Variants in RAB3C observed in about 807,000 individuals in gnomAD.
The protein encoded by RAB3C is ras-related protein Rab-3C.
A neutral mutation model predicts 26.4 loss-of-function variants in RAB3C; 17 were observed. The observed-to-expected ratio is 0.64, with a 90% CI of 0.44 to 0.97. The LOEUF (loss-of-function observed/expected upper bound fraction) is 0.97. Among genes scored for constraint, RAB3C ranks in the 50% least tolerant of loss-of-function variants. The probability of loss-of-function intolerance (pLI) is 0.00; values close to 1 mark genes in which losing one functional copy is unlikely to be tolerated. For synonymous variants in RAB3C, 91 were observed against 95.9 expected (o/e 0.95, Z 0.30); for missense variants, 242 against 281.9 (o/e 0.86, Z 1.01).
At chr5:58,712,041 C>T (rs1024585652) in intron 2 of RAB3C, among the ~76,000 whole-genome samples, 5 of 152,118 alleles carry the variant, frequency 3.3e-5, no homozygotes, top group Non-Finnish European at 7.4e-5. Context: ...TTGTGATTTT[C>T]GTGTGGTAAC....
At chr5:58,684,240 C>T (rs553525550) in intron 2 of RAB3C, among the ~76,000 whole-genome samples, 6 of 152,250 alleles carry the variant, frequency 3.9e-5, no homozygotes, top group East Asian at 3.9e-4. Flanking sequence ...GGAGGATCTG[C>T]GTAAGTTATA....
intron 4 of RAB3C, among the ~76,000 whole-genome samples, chr5:58,826,047 G>A (rs1326212974): frequency 6.6e-6 from 1 of 152,120 alleles, no homozygotes; most frequent in Non-Finnish European, 1.5e-5. Context: ...TAAGCTGCAA[G>A]GCAGATGCCA....
chr5:58,695,580 G>T (rs1413783305), intron 2 of RAB3C, among the ~76,000 whole-genome samples: 4 of 152,118 alleles, frequency 2.6e-5, no homozygotes, highest in Non-Finnish European at 5.9e-5. Flanking sequence ...CCATTTGTTT[G>T]TGTCCTCTTT....
intron 3 of RAB3C, among the ~76,000 whole-genome samples, chr5:58,732,079 TA>T (rs1426693118): frequency 2.5e-4 from 37 of 146,998 alleles, no homozygotes; most frequent in Admixed American, 1.1e-3. Flanking sequence ...TTTATTTATT[TA>T]TTTATTTTTT....
intron 2 of RAB3C, among the ~76,000 whole-genome samples, chr5:58,696,834 A>G (rs979315921): frequency 2.6e-5 from 4 of 152,074 alleles, no homozygotes; most frequent in Non-Finnish European, 5.9e-5. Context: ...TAGTCTTTCT[A>G]GCAGTCTACC....
intron 3 of RAB3C, among the ~76,000 whole-genome samples, chr5:58,799,416 G>A (rs1428046102): frequency 6.6e-6 from 1 of 152,006 alleles, no homozygotes; most frequent in African/African-American, 2.4e-5. Context: ...TTTTCAAAAT[G>A]TAAACCAAGC....
intron 3 of RAB3C, among the ~76,000 whole-genome samples, chr5:58,731,405 A>G (rs1423550867): frequency 6.6e-6 from 1 of 152,188 alleles, no homozygotes; most frequent in East Asian, 1.9e-4. Context: ...GAAACTCAAC[A>G]TAAAAAAATG....
intron 3 of RAB3C, among the ~76,000 whole-genome samples, chr5:58,824,275 T>TA (rs57887799): frequency 0.11 from 16,748 of 149,826 alleles, 1,121 homozygotes; most frequent in African/African-American, 0.19. Flanking sequence ...TAAGCAGGTT[T>TA]AAAAAAAAAA....
intron 1 of RAB3C, among the ~76,000 whole-genome samples, chr5:58,589,731 C>T (rs144216602): frequency 4.3e-4 from 66 of 152,162 alleles, no homozygotes; most frequent in South Asian, 3.3e-3. Flanking sequence ...GAATGGACTC[C>T]GCAGGTATAA....
intron 4 of RAB3C, among the ~76,000 whole-genome samples, chr5:58,842,490 C>T (rs187787391): frequency 3.3e-5 from 5 of 152,272 alleles, no homozygotes; most frequent in African/African-American, 7.2e-5. Context: ...ATATTTCATC[C>T]GTGTAAGCCA....
chr5:58,760,102 C>T (rs1741765915), intron 3 of RAB3C, among the ~76,000 whole-genome samples: 1 of 152,166 alleles, frequency 6.6e-6, no homozygotes, highest in Non-Finnish European at 1.5e-5. Flanking sequence ...TTGAGACCCT[C>T]CCACTAAGGG....
chr5:58,762,325 C>T (rs1311554761), intron 3 of RAB3C, among the ~76,000 whole-genome samples: 3 of 152,088 alleles, frequency 2.0e-5, no homozygotes, highest in Admixed American at 2.0e-4. Flanking sequence ...AGTATCATCT[C>T]GTCAGTGGGA....
intron 2 of RAB3C, among the ~76,000 whole-genome samples, chr5:58,624,471 C>T (rs1350059351): frequency 6.6e-6 from 1 of 152,128 alleles, no homozygotes; most frequent in Admixed American, 6.6e-5. Flanking sequence ...TTACAGTTTG[C>T]CAGTCCTCTT....
At chr5:58,672,199 A>G (rs1016413020) in intron 2 of RAB3C, among the ~76,000 whole-genome samples, 10 of 152,182 alleles carry the variant, frequency 6.6e-5, no homozygotes, top group Non-Finnish European at 1.5e-4. Context: ...AGGGGTCAGG[A>G]GTATGATGTC....
intron 2 of RAB3C, among the ~76,000 whole-genome samples, chr5:58,697,442 C>T (rs918148118): frequency 4.6e-5 from 7 of 152,092 alleles, no homozygotes; most frequent in Non-Finnish European, 2.9e-5. Context: ...ATTAGGTCTG[C>T]TCGTTGCAGA....
chr5:58,651,572 A>T (rs1747650041), intron 2 of RAB3C, among the ~76,000 whole-genome samples: 1 of 152,356 alleles, frequency 6.6e-6, no homozygotes, highest in East Asian at 1.9e-4. Flanking sequence ...TTATGTATGC[A>T]TGTGTATGCA....
chr5:58,768,233 G>T (rs1741950562), intron 3 of RAB3C, among the ~76,000 whole-genome samples: 1 of 152,096 alleles, frequency 6.6e-6, no homozygotes, highest in African/African-American at 2.4e-5. Flanking sequence ...TCACCTAGGT[G>T]CTCAAAACAA....
chr5:58,727,142 A>G (rs1444771326), intron 3 of RAB3C, among the ~76,000 whole-genome samples: 2 of 151,970 alleles, frequency 1.3e-5, no homozygotes, highest in African/African-American at 2.4e-5. Flanking sequence ...TTTGTTTTCT[A>G]TGATAATATT....
intron 3 of RAB3C, among the ~76,000 whole-genome samples, chr5:58,813,801 G>A (rs1743154573): frequency 1.4e-5 from 1 of 70,922 alleles, no homozygotes; most frequent in Admixed American, 1.1e-4. Context: ...AGGCAATCAG[G>A]AATGCAGAAA....
Sources: allele counts gnomAD v4.1 joint callset (sites outside exome capture counted in the v4.1 genomes callset), GRCh38; gene constraint gnomAD v4.1.1; transcripts MANE v1.5; gene names NCBI Gene and HGNC (gene_info 2026-07-23, HGNC 2026-07-21).